REEP5: variants seen among roughly 807,000 people sequenced by gnomAD.
The protein encoded by REEP5 is receptor expression-enhancing protein 5.
REEP5 carries 24 observed loss-of-function variants against 22.4 expected under a neutral mutation model. The ratio of observed to expected loss-of-function variants is 1.07; its 90% CI spans 0.78 to 1.51. The LOEUF is 1.51. Ranked by LOEUF, REEP5 falls within the 40% of genes most tolerant of loss-of-function variation. The pLI is 0.00. For synonymous variants in REEP5, 103 were observed against 88.6 expected (o/e 1.16, Z -0.92); for missense variants, 252 against 233.0 (o/e 1.08, Z -0.53).
chr5:112,878,859 G>C (rs1047225417), intron 4 of REEP5, 24 bp from the exon 5 acceptor site: 1 of 1,613,792 alleles, frequency 6.2e-7, no homozygotes, highest in Non-Finnish European at 8.5e-7. Context: ...AGGAGGGAAA[G>C]AAAAATATAT....
At chr5:112,883,022 C>G (rs1768125918) in intron 4 of REEP5, among the ~76,000 whole-genome samples, 1 of 152,228 alleles carries the variant, frequency 6.6e-6, no homozygotes, top group African/African-American at 2.4e-5. Flanking sequence ...CTTCACTGGT[C>G]AAGGACAGAG....
intron 3 of REEP5, chr5:112,894,911 A>T (rs925409776): frequency 2.4e-4 from 36 of 152,344 alleles, no homozygotes; most frequent in African/African-American, 8.4e-4. Context: ...CAGAGCATTA[A>T]GGTGAAGTGA....
At chr5:112,913,459 G>C (rs1486120693) in intron 2 of REEP5, among the ~76,000 whole-genome samples, 1 of 149,194 alleles carries the variant, frequency 6.7e-6, no homozygotes, top group Non-Finnish European at 1.5e-5. Flanking sequence ...AATAGCTAGA[G>C]CCTGGGAGGT....
intron 3 of REEP5, chr5:112,892,311 T>G: frequency 6.2e-7 from 1 of 1,614,120 alleles, no homozygotes; most frequent in Admixed American, 1.7e-5. Context: ...GGGATGACTA[T>G]GACCCTGACG....
chr5:112,904,054 A>G (rs527691599), intron 2 of REEP5, among the ~76,000 whole-genome samples: 2 of 152,214 alleles, frequency 1.3e-5, no homozygotes, highest in African/African-American at 4.8e-5. Flanking sequence ...CTGGTCTCGA[A>G]CTCCTGGCCT....
chr5:112,892,952 A>G (rs1189165431), intron 3 of REEP5: 5 of 1,597,084 alleles, frequency 3.1e-6, no homozygotes, highest in South Asian at 1.1e-5. Flanking sequence ...AGCTGGGACC[A>G]GGGCCGCCGG....
Position 112,910,865 on chromosome 5 carries a change from A to G in REEP5, c.213-8347T>C, listed in dbSNP as rs181018887. Among the ~76,000 whole-genome samples the G allele has an allele frequency of 4.6e-5, 7 of 152,336 alleles. No homozygotes were observed. In the East Asian group the frequency reaches 9.6e-4, roughly 21 times the overall value. On this transcript the variant is annotated intron_variant, in intron 2 of 4. Coordinates refer to ENST00000379638, the MANE Select transcript of REEP5 (RefSeq NM_005669.5). ...CTGATTTTATATACATGTACCTGGC[A>G]AATCTGTCTTGACTCAGGGAAGCTA...
At chr5:112,913,106 C>A (rs1347607378) in intron 2 of REEP5, among the ~76,000 whole-genome samples, 1 of 152,126 alleles carries the variant, frequency 6.6e-6, no homozygotes, top group Non-Finnish European at 1.5e-5. Flanking sequence ...GAGTTCAAGA[C>A]CAGCCTGGCC....
chr5:112,905,762 A>G, intron 2 of REEP5, among the ~76,000 whole-genome samples: 1 of 152,074 alleles, frequency 6.6e-6, no homozygotes, highest in South Asian at 2.1e-4. Flanking sequence ...CTGGGACTAC[A>G]GGTTCACATC....
chr5:112,891,669 C>T, intron 3 of REEP5: 1 of 1,612,974 alleles, frequency 6.2e-7, no homozygotes, highest in Non-Finnish European at 8.5e-7. Flanking sequence ...TGACGTTTCC[C>T]AAGAAGATGA....
At chr5:112,915,115 C>A (rs1769202543) in intron 2 of REEP5, among the ~76,000 whole-genome samples, 2 of 151,972 alleles carry the variant, frequency 1.3e-5, no homozygotes. Flanking sequence ...CATTCAAAGT[C>A]AGTCCTGAAA....
At chr5:112,882,133 T>C (rs571720938) in intron 4 of REEP5, 1 of 153,592 alleles carries the variant, frequency 6.5e-6, no homozygotes, top group Non-Finnish European at 1.5e-5. Context: ...GATGATCTTC[T>C]AATATCCTGA....
At chr5:112,911,390 G>C (rs1769099045) in intron 2 of REEP5, among the ~76,000 whole-genome samples, 1 of 152,146 alleles carries the variant, frequency 6.6e-6, no homozygotes, top group Non-Finnish European at 1.5e-5. Context: ...GCTTAAGCTC[G>C]GTATTGGTCA....
chr5:112,892,773 C>G (rs748589682), intron 3 of REEP5: 1 of 1,613,986 alleles, frequency 6.2e-7, no homozygotes, highest in Non-Finnish European at 8.5e-7. Flanking sequence ...ACGACCACTA[C>G]TACAGCAGGC....
At chr5:112,888,634 T>C (rs458451) in intron 3 of REEP5, among the ~76,000 whole-genome samples, 65,092 of 146,718 alleles carry the variant, frequency 0.44, 16,719 homozygotes, top group African/African-American at 0.71. Flanking sequence ...CACAATGTTG[T>C]CCAGACTCCC....
At chr5:112,907,557 A>G (rs917174200) in intron 2 of REEP5, among the ~76,000 whole-genome samples, 2 of 152,166 alleles carry the variant, frequency 1.3e-5, no homozygotes, top group African/African-American at 4.8e-5. Context: ...AGTTGGCAAA[A>G]CTGTGGCAGC....
At chr5:112,911,814 C>A (rs1468872911) in intron 2 of REEP5, among the ~76,000 whole-genome samples, 1 of 152,032 alleles carries the variant, frequency 6.6e-6, no homozygotes, top group Non-Finnish European at 1.5e-5. Flanking sequence ...ATATTTTTAA[C>A]TTGGAAGAAC....
At chr5:112,918,013 G>C (rs1177932073) in intron 2 of REEP5, among the ~76,000 whole-genome samples, 1 of 152,150 alleles carries the variant, frequency 6.6e-6, no homozygotes, top group Non-Finnish European at 1.5e-5. Context: ...CTTAGCAATG[G>C]GGGGAGGTCT....
At chr5:112,913,177 C>A (rs949346266) in intron 2 of REEP5, among the ~76,000 whole-genome samples, 1 of 152,028 alleles carries the variant, frequency 6.6e-6, no homozygotes, top group Non-Finnish European at 1.5e-5. Flanking sequence ...TGCCTGTAAT[C>A]CCAGCTACTT....
Sources: allele counts gnomAD v4.1 joint callset (sites outside exome capture counted in the v4.1 genomes callset), GRCh38; gene constraint gnomAD v4.1.1; transcripts MANE v1.5; gene names NCBI Gene and HGNC (gene_info 2026-07-23, HGNC 2026-07-21).